EYS: variants seen among roughly 807,000 people sequenced by gnomAD.
EYS encodes the protein EGF-like photoreceptor maintenance factor.
In EYS, 250 loss-of-function variants were observed where a neutral mutation model predicts 282.1. The ratio of observed to expected loss-of-function variants is 0.89; its 90% CI spans 0.80 to 0.98. The LOEUF (loss-of-function observed/expected upper bound fraction) is 0.98. Ranked by LOEUF, EYS falls within the 50% of genes least tolerant of loss-of-function variation. The pLI is 0.00. For missense variants in EYS, 4,016 were observed against 3,709.0 expected (o/e 1.08, Z -2.15); for synonymous variants, 1,355 against 1,282.9 (o/e 1.06, Z -1.20).
At chr6:65,108,169 G>A (rs1486599401) in intron 12 of EYS, among the ~76,000 whole-genome samples, 1 of 144,560 alleles carries the variant, frequency 6.9e-6, no homozygotes, top group Non-Finnish European at 1.5e-5. Context: ...ACTTCTTTTT[G>A]ACTTTCTTGT....
At chr6:65,479,210 T>C (rs1046124136) in intron 5 of EYS, among the ~76,000 whole-genome samples, 3 of 152,198 alleles carry the variant, frequency 2.0e-5, no homozygotes, top group Admixed American at 6.5e-5. Flanking sequence ...TAATCTACCA[T>C]ACGTGTAACT....
chr6:65,141,658 T>A (rs1376841346), intron 12 of EYS, among the ~76,000 whole-genome samples: 2 of 28,378 alleles, frequency 7.0e-5, no homozygotes, highest in African/African-American at 3.6e-4. Flanking sequence ...TGTCTATCTA[T>A]CTATCTATCT....
At chr6:63,737,205 G>T (rs375495743) in intron 41 of EYS, among the ~76,000 whole-genome samples, 1,718 of 151,848 alleles carry the variant, frequency 0.011, 19 homozygotes, top group African/African-American at 0.04. Flanking sequence ...GCCCATTCAG[G>T]ATGATATTGG....
At position 64,601,338 on chromosome 6, in the gene EYS, A is replaced by G. The variant is rs532931833; in HGVS notation, c.3685-8029T>C. Reference sequence around the variant, plus strand: ...ATCATTATTTAAATATCTCATGGGTACCTTAAACATAACATGTACAGTACT... The same window carrying G: ...ATCATTATTTAAATATCTCATGGGTGCCTTAAACATAACATGTACAGTACT... On this transcript the variant is annotated intron_variant, in intron 24 of 42. Coordinates refer to ENST00000503581, the MANE Select transcript of EYS (RefSeq NM_001142800.2). Among the ~76,000 whole-genome samples the G allele has an allele frequency of 3.3e-5, 5 of 152,186 alleles. No homozygotes were observed. In the South Asian group the frequency reaches 8.3e-4, roughly 25 times the overall value.
intron 35 of EYS, among the ~76,000 whole-genome samples, chr6:63,954,694 C>T (rs1357818576): frequency 6.6e-6 from 1 of 152,064 alleles, no homozygotes; most frequent in Non-Finnish European, 1.5e-5. Context: ...TTGTTCTTCT[C>T]ATCAGTCACT....
chr6:64,240,749 C>G (rs902268626), intron 30 of EYS, among the ~76,000 whole-genome samples: 2 of 152,152 alleles, frequency 1.3e-5, no homozygotes, highest in Non-Finnish European at 2.9e-5. Context: ...TTGTTTCTTT[C>G]TCTTGCCTGA....
chr6:63,932,983 G>C (rs1023373575), intron 35 of EYS, among the ~76,000 whole-genome samples: 2 of 152,216 alleles, frequency 1.3e-5, no homozygotes, highest in African/African-American at 4.8e-5. Flanking sequence ...CAGTCTGCTA[G>C]AGTGGCTTAC....
chr6:65,445,943 T>A (rs1293845607), intron 5 of EYS, among the ~76,000 whole-genome samples: 1 of 151,846 alleles, frequency 6.6e-6, no homozygotes, highest in Non-Finnish European at 1.5e-5. Flanking sequence ...ATAAGATTCA[T>A]GTTTACTACT....
intron 31 of EYS, among the ~76,000 whole-genome samples, chr6:64,200,312 T>A (rs553044842): frequency 3.3e-5 from 5 of 152,146 alleles, no homozygotes; most frequent in Middle Eastern, 3.4e-3. Context: ...TAGAGTGAAC[T>A]CTAATATAAA....
intron 12 of EYS, among the ~76,000 whole-genome samples, chr6:65,190,984 T>C (rs1043693939): frequency 6.6e-6 from 1 of 151,824 alleles, no homozygotes; most frequent in Non-Finnish European, 1.5e-5. Flanking sequence ...TCTGAAACAT[T>C]TGCATTGAGA....
intron 26 of EYS, among the ~76,000 whole-genome samples, chr6:64,470,592 T>A (rs1205819995): frequency 1.3e-5 from 2 of 151,990 alleles, no homozygotes; most frequent in Non-Finnish European, 1.5e-5. Context: ...CTATAGCTAA[T>A]GAGCTAAAAA....
intron 2 of EYS, among the ~76,000 whole-genome samples, chr6:65,506,527 A>G (rs1404623555): frequency 8.7e-6 from 1 of 115,302 alleles, no homozygotes; most frequent in Admixed American, 1.3e-4. Context: ...TGCCAAGGCT[A>G]AAGTGCAATA....
At chr6:65,399,898 G>A (rs1000785220) in intron 7 of EYS, among the ~76,000 whole-genome samples, 2 of 151,916 alleles carry the variant, frequency 1.3e-5, no homozygotes, top group Non-Finnish European at 2.9e-5. Context: ...TGGACTTCAT[G>A]GTTGCAAAAT....
At chr6:64,702,700 G>A (rs964888611) in intron 22 of EYS, among the ~76,000 whole-genome samples, 2 of 152,046 alleles carry the variant, frequency 1.3e-5, no homozygotes, top group Non-Finnish European at 1.5e-5. Flanking sequence ...ATCAGAAAGG[G>A]TATCCATTAC....
intron 31 of EYS, among the ~76,000 whole-genome samples, chr6:64,146,268 T>C (rs565017807): frequency 1.3e-5 from 2 of 152,190 alleles, no homozygotes; most frequent in African/African-American, 4.8e-5. Context: ...CCTGGTATTA[T>C]GATGAGGAAT....
intron 28 of EYS, among the ~76,000 whole-genome samples, chr6:64,407,517 G>T (rs1213644827): frequency 6.6e-6 from 1 of 152,094 alleles, no homozygotes; most frequent in Non-Finnish European, 1.5e-5. Context: ...AAACAGAGGT[G>T]CTGGAATATC....
intron 40 of EYS, among the ~76,000 whole-genome samples, chr6:63,767,332 C>T (rs552275209): frequency 6.6e-6 from 1 of 152,164 alleles, no homozygotes; most frequent in East Asian, 1.9e-4. Flanking sequence ...TGAGAAAATC[C>T]CATGGCCTCT....
chr6:64,360,863 C>T (rs548288802), intron 29 of EYS, among the ~76,000 whole-genome samples: 6 of 151,798 alleles, frequency 4.0e-5, no homozygotes, highest in African/African-American at 1.2e-4. Context: ...AGGGACTTAA[C>T]TTTTCAGTGC....
intron 35 of EYS, among the ~76,000 whole-genome samples, chr6:63,966,229 T>C (rs964894773): frequency 2.0e-5 from 3 of 152,154 alleles, no homozygotes; most frequent in African/African-American, 7.2e-5. Flanking sequence ...CTGGATGAGA[T>C]TGGAGACTAT....
Sources: allele counts gnomAD v4.1 joint callset (sites outside exome capture counted in the v4.1 genomes callset), GRCh38; gene constraint gnomAD v4.1.1; transcripts MANE v1.5; gene names NCBI Gene and HGNC (gene_info 2026-07-23, HGNC 2026-07-21).